The following DACH1 variants were observed in gnomAD, a reference collection of about 807,000 sequenced individuals.
The protein encoded by DACH1 is dachshund family transcription factor 1, also known as dachshund homolog 1.
In DACH1, 12 loss-of-function variants were observed where a neutral mutation model predicts 54.2. The ratio of observed to expected loss-of-function variants is 0.22; its 90% confidence interval spans 0.14 to 0.36. The LOEUF is 0.36. Among genes scored for constraint, DACH1 ranks in the 10% least tolerant of loss-of-function variants. The pLI is 1.00. For synonymous variants in DACH1, 386 were observed against 366.2 expected, an observed-to-expected ratio of 1.05 and a Z score of -0.62; for missense variants, 805 against 929.8, an observed-to-expected ratio of 0.87 and a Z score of 1.75.
chr13:71,558,933 A>G (rs1260408791), intron 5 of DACH1, among the ~76,000 whole-genome samples: 1 of 152,086 alleles, frequency 6.6e-6, no homozygotes, highest in Non-Finnish European at 1.5e-5. Context: ...AATATTCTCG[A>G]CAACCAAATA....
At chr13:71,745,288 T>C (rs1242725626) in intron 1 of DACH1, among the ~76,000 whole-genome samples, 1 of 152,196 alleles carries the variant, frequency 6.6e-6, no homozygotes. Context: ...TGAGAACATA[T>C]GTAATAGGCA....
intron 1 of DACH1, among the ~76,000 whole-genome samples, chr13:71,686,976 A>G (rs1035641660): frequency 9.2e-5 from 14 of 152,206 alleles, no homozygotes; most frequent in Admixed American, 9.2e-4. Flanking sequence ...AAATTAAATA[A>G]TCTGTGGGGT....
intron 3 of DACH1, among the ~76,000 whole-genome samples, chr13:71,593,830 G>A (rs1873899686): frequency 1.3e-5 from 2 of 151,810 alleles, no homozygotes; most frequent in South Asian, 4.2e-4. Context: ...GAAGAAGAAT[G>A]AAGAAGTGAA....
At chr13:71,795,243 G>A (rs929971312) in intron 1 of DACH1, among the ~76,000 whole-genome samples, 2 of 152,052 alleles carry the variant, frequency 1.3e-5, no homozygotes, top group South Asian at 4.1e-4. Context: ...TGGGCCTCAA[G>A]TACTTCAAGA....
chr13:71,565,348 T>C (rs1020799621), intron 4 of DACH1, among the ~76,000 whole-genome samples: 15 of 152,142 alleles, frequency 9.9e-5, no homozygotes, highest in Admixed American at 9.2e-4. Context: ...ACTTACTATG[T>C]ACCAGGCAGG....
rs1046785686 is a variant in DACH1, at chr13:71,700,541, C to T, written c.849-18631G>A. On this transcript the variant is annotated intron_variant, in intron 1 of 10. Coordinates refer to ENST00000613252, the MANE Select transcript of DACH1 (RefSeq NM_080759.6). ...ACTGCACTCCATCCTGGGTGACACACAGCAAGACTGCAAGACTCCATCTCA... is the reference window on the plus strand; with the variant it reads ...ACTGCACTCCATCCTGGGTGACACATAGCAAGACTGCAAGACTCCATCTCA... Among the ~76,000 whole-genome samples the T allele has an allele frequency of 8.6e-5, 11 of 127,168 alleles. No homozygotes were observed. The Admixed American group carries it at 1.0e-3, about 12-fold the overall frequency. 83.4% of individuals were successfully genotyped at this position (127,168 alleles called of 152,430 possible).
intron 10 of DACH1, among the ~76,000 whole-genome samples, chr13:71,455,249 C>T (rs916714199): frequency 6.6e-6 from 1 of 152,142 alleles, no homozygotes; most frequent in African/African-American, 2.4e-5. Context: ...TTTGTTTTGT[C>T]ATACACACAC....
intron 6 of DACH1, among the ~76,000 whole-genome samples, chr13:71,538,593 A>G (rs912748167): frequency 2.6e-5 from 4 of 152,098 alleles, no homozygotes; most frequent in Admixed American, 2.6e-4. Flanking sequence ...ACATTTTAAT[A>G]AAATCAACAG....
chr13:71,552,509 A>G (rs779606712), intron 6 of DACH1, among the ~76,000 whole-genome samples: 2 of 151,840 alleles, frequency 1.3e-5, no homozygotes, highest in Non-Finnish European at 2.9e-5. Context: ...TGAAAGTAGC[A>G]GCAATTTAAG....
chr13:71,827,171 C>A (rs1240901687), intron 1 of DACH1, among the ~76,000 whole-genome samples: 1 of 152,008 alleles, frequency 6.6e-6, no homozygotes, highest in African/African-American at 2.4e-5. Context: ...CTCCAGCATG[C>A]AAATCCATTT....
chr13:71,695,672 GTGA>G (rs961350788), intron 1 of DACH1, among the ~76,000 whole-genome samples: 11 of 152,222 alleles, frequency 7.2e-5, no homozygotes, highest in African/African-American at 2.7e-4. Context: ...CAAAGAATCA[GTGA>G]GGCCATTTCG....
intron 1 of DACH1, among the ~76,000 whole-genome samples, chr13:71,848,908 G>A (rs9572804): frequency 0.094 from 14,261 of 151,984 alleles, 1,380 homozygotes; most frequent in East Asian, 0.56. Flanking sequence ...ACAACCTTCT[G>A]AAATAAGGAG....
intron 2 of DACH1, among the ~76,000 whole-genome samples, chr13:71,655,310 C>T (rs1381248421): frequency 2.0e-5 from 3 of 151,586 alleles, no homozygotes; most frequent in Non-Finnish European, 2.9e-5. Context: ...CAAGACATCA[C>T]TTAGCAAAAC....
intron 6 of DACH1, among the ~76,000 whole-genome samples, chr13:71,525,908 A>G (rs1365429423): frequency 6.6e-6 from 1 of 152,136 alleles, no homozygotes; most frequent in Non-Finnish European, 1.5e-5. Flanking sequence ...TCAAGTCGAG[A>G]CTGCTGCTGA....
chr13:71,831,727 C>T (rs1888598263), intron 1 of DACH1, among the ~76,000 whole-genome samples: 1 of 151,978 alleles, frequency 6.6e-6, no homozygotes, highest in Non-Finnish European at 1.5e-5. Context: ...GGATAACATA[C>T]AGCTATAAAA....
chr13:71,763,484 G>T (rs1885486402), intron 1 of DACH1, among the ~76,000 whole-genome samples: 3 of 151,864 alleles, frequency 2.0e-5, no homozygotes, highest in Non-Finnish European at 4.4e-5. Context: ...GTTTCAGCCT[G>T]TTTGGTTGGA....
chr13:71,803,277 C>T (rs1887360044), intron 1 of DACH1, among the ~76,000 whole-genome samples: 1 of 152,024 alleles, frequency 6.6e-6, no homozygotes, highest in Non-Finnish European at 1.5e-5. Context: ...TTAGCAATTT[C>T]ATTACACAAC....
chr13:71,866,521 TCCGCTGCCGCCGCCGCCG>T lies in DACH1; in HGVS notation c.231_248del (p.Gly83_Ser88del). The T allele has an allele frequency of 9.3e-7, 1 of 1,076,490 alleles. No homozygotes were observed. Among genetic ancestry groups the T allele is most frequent in the Non-Finnish European group, 1.1e-6 (1 of 893,230 alleles). The allele number at this position is 1,076,490 out of a possible 1,614,324, so 66.7% of individuals were successfully genotyped here. A position where few individuals can be genotyped will look rare whatever the true frequency, so the allele number is the denominator to read the frequency against. ...CGTTGCCGCTGCTGCCGCCGCCGCC[TCCGCTGCCGCCGCCGCCG>T]CCGCCGCCGCCGGTAGAGGTGACTG... is the stretch of plus-strand genomic sequence containing the variant. On this transcript the variant is annotated inframe_deletion, in exon 1 of 11. Coordinates refer to ENST00000613252, the MANE Select transcript of DACH1 (RefSeq NM_080759.6).
intron 5 of DACH1, among the ~76,000 whole-genome samples, chr13:71,557,949 AG>A (rs1884356691): frequency 6.6e-6 from 1 of 151,888 alleles, no homozygotes; most frequent in Non-Finnish European, 1.5e-5. Flanking sequence ...GTGTGATCAT[AG>A]ATTGGCTTTT....
Sources: allele counts gnomAD v4.1 joint callset (sites outside exome capture counted in the v4.1 genomes callset), GRCh38; gene constraint gnomAD v4.1.1; transcripts MANE v1.5; gene names NCBI Gene and HGNC (gene_info 2026-07-23, HGNC 2026-07-21).